The following THBS2 variants were observed in gnomAD, a reference collection of about 807,000 sequenced individuals.
The protein encoded by THBS2 is thrombospondin 2, also known as thrombospondin-2.
Under a neutral mutation model 135.2 loss-of-function variants are expected in THBS2, and 47 were observed. The ratio of observed to expected loss-of-function variants is 0.35; its 90% confidence interval spans 0.28 to 0.44. The LOEUF is 0.44. Among genes scored for constraint, THBS2 ranks in the 20% least tolerant of loss-of-function variants. The pLI, the probability that THBS2 is intolerant of heterozygous loss-of-function variation, is 1.00. For synonymous variants in THBS2, 639 were observed against 633.8 expected (o/e 1.01, Z -0.12); for missense variants, 1,288 against 1,603.1 (o/e 0.80, Z 3.36).
intron 14 of THBS2, among the ~76,000 whole-genome samples, chr6:169,229,265 G>C (rs55933869): frequency 6.6e-6 from 1 of 152,252 alleles, no homozygotes; most frequent in Non-Finnish European, 1.5e-5. Context: ...ACTCATGGTG[G>C]TGTCAGCCTT....
intron 2 of THBS2, among the ~76,000 whole-genome samples, 177 bp from the exon 3 acceptor site, chr6:169,249,150 T>A (rs1221350126): frequency 6.6e-6 from 1 of 152,158 alleles, no homozygotes; most frequent in Non-Finnish European, 1.5e-5. Context: ...GAAAAGCCAC[T>A]ATCCTCCGTG....
Position 169,248,558 on chromosome 6 carries a change from C to T in THBS2, c.468G>A (p.Val156=), listed in dbSNP as rs1290029655. The part of the protein sequence containing the change: ...DSQWKNVTVQ[V]AGETYSLHVG... ...CGTGCAAGCTGTAGGTCTCGCCAGC[C>T]ACCTGCACGGTGACGTTCTTCCACT... Residue 156 remains valine, a synonymous_variant, in exon 3 of 22, where the codon GTG becomes GTA. Transcript: ENST00000617924. The T allele has an allele frequency of 6.2e-7, 1 of 1,613,896 alleles. No homozygotes were observed. Among genetic ancestry groups the T allele is most frequent in the Non-Finnish European group, 8.5e-7 (1 of 1,180,054 alleles).
chr6:169,219,346 G>GGATTGATGGATGA (rs1779332881), intron 21 of THBS2, among the ~76,000 whole-genome samples: 1 of 129,052 alleles, frequency 7.7e-6, no homozygotes, highest in Non-Finnish European at 1.6e-5. Context: ...GTGGGTGGAT[G>GGATTGATGGATGA]GATGGATGGT....
At chr6:169,245,616 C>T (rs1416739434) in intron 4 of THBS2, among the ~76,000 whole-genome samples, 1 of 152,000 alleles carries the variant, frequency 6.6e-6, no homozygotes, top group Non-Finnish European at 1.5e-5. Context: ...CACGCTGAAA[C>T]CCCATCTCTA....
In THBS2 at chr6:169,216,138, A is replaced by T. The variant is rs1779162947; in HGVS notation, c.*1684T>A. 2.0e-5 allele frequency: 3 copies of T among 151,000 alleles called. No individual in the cohort carries two copies. Among genetic ancestry groups the T allele is most frequent in the Admixed American group, 2.0e-4 (3 of 15,136 alleles). The allele number at this position is 151,000 out of a possible 1,614,324, so 9.4% of individuals were successfully genotyped here. On this transcript the variant is annotated 3_prime_UTR_variant, in exon 22 of 22. Transcript: ENST00000617924. ...GTTGGTCTCGGGAATACAGCTCCAC[A>T]CGCAAAAAAGTAAAAAGTGCAGCAA...
Position 169,248,749 on chromosome 6 carries a change from C to A in THBS2, c.277G>T (p.Asp93Tyr). 1.2e-6 allele frequency: 2 copies of A among 1,613,364 alleles called. No individual in the cohort carries two copies. Among genetic ancestry groups the A allele is most frequent in the African/African-American group, 1.3e-5 (1 of 74,982 alleles). Residue 93 changes from aspartate to tyrosine, a missense_variant, in exon 3 of 22, where the codon GAC becomes TAC. Coordinates refer to ENST00000617924, the MANE Select transcript of THBS2 (RefSeq NM_003247.5). ...GFFLTAQLKQ[D>Y]GKSRGTLLAL... ...AACAGCGTGCCCCTGGACTTGCCGT[C>A]CTGCTTGAGCTGGGCCGTGAGGAAG...
intron 7 of THBS2, 58 bp downstream of exon 7, chr6:169,239,541 C>G: frequency 6.8e-7 from 1 of 1,480,296 alleles, no homozygotes. Context: ...AATAAATAAA[C>G]AAACAAGCAT....
At chr6:169,218,464 G>A (rs1379756929) in intron 21 of THBS2, among the ~76,000 whole-genome samples, 1 of 130,312 alleles carries the variant, frequency 7.7e-6, no homozygotes, top group Non-Finnish European at 1.6e-5. Context: ...ATGGATGGAT[G>A]GGATAGATGA....
intron 14 of THBS2, among the ~76,000 whole-genome samples, chr6:169,228,538 A>G (rs1325619188): frequency 6.6e-6 from 1 of 151,356 alleles, no homozygotes; most frequent in Admixed American, 6.6e-5. Flanking sequence ...TCCCAGCACT[A>G]TGGGAGGCTG....
rs112534076 is a variant in THBS2, at chr6:169,248,663, C to T, written c.363G>A (p.Ala121=). The T allele has an allele frequency of 2.5e-6, 4 of 1,614,008 alleles. No homozygotes were observed. Among genetic ancestry groups the T allele is most frequent in the East Asian group, 2.2e-5 (1 of 44,818 alleles). The part of the protein sequence containing the change: ...RQFEIVSNGP[A]DTLDLTYWID... Reference sequence around the variant, plus strand: ...TCCAGTAGGTGAGATCCAGCGTGTCCGCGGGGCCGTTGGAGACGATCTCGA... The same window carrying T: ...TCCAGTAGGTGAGATCCAGCGTGTCTGCGGGGCCGTTGGAGACGATCTCGA... The change falls in exon 3 of 22, where the codon GCG becomes GCA. Residue 121 remains alanine (A), a synonymous_variant. Transcript: ENST00000617924.
chr6:169,241,494 C>T lies in THBS2; in HGVS notation c.891+268G>A, dbSNP rs1015855052. 6.6e-6 allele frequency among the ~76,000 whole-genome samples: 1 copy of T among 152,028 alleles called. No individual in the cohort carries two copies. The highest frequency in any genetic ancestry group is 2.4e-5 in the African/African-American group (1 of 41,366). On this transcript the variant is annotated intron_variant, in intron 5 of 21. Coordinates refer to ENST00000617924, the MANE Select transcript of THBS2 (RefSeq NM_003247.5). The surrounding 1 kb of genome is among the most constrained non-coding windows in gnomAD (Gnocchi z 5.5). ...ACAGATTTACCAAGGAGGTAAATTT[C>T]CCAAAATTAAGAATTTATTTTGGAG...
In THBS2 at chr6:169,252,983, C is replaced by T. The variant is rs1392202775; in HGVS notation, c.-23+741G>A. On this transcript the variant is annotated intron_variant, in intron 1 of 21. Coordinates refer to ENST00000617924, the MANE Select transcript of THBS2 (RefSeq NM_003247.5). This position sits in a 1 kb window ranked among gnomAD's most constrained non-coding sequence, Gnocchi z 4.3. ...TGGGTGCTCAGCTCCCAGTCCTGGG[C>T]AGCCAAACCCACCTTCCTTAAGTGG... Among the ~76,000 whole-genome samples, 1 of 152,194 alleles carries T rather than the reference C, an allele frequency of 6.6e-6. No individual in the cohort carries two copies. The highest frequency in any genetic ancestry group is 1.5e-5 in the Non-Finnish European group (1 of 68,030).
At chr6:169,220,084 T>G in intron 21 of THBS2, 114 bp downstream of exon 21, 1 of 1,327,614 alleles carries the variant, frequency 7.5e-7, no homozygotes. Context: ...GTATTGTGCA[T>G]TAGGTTTATT....
chr6:169,234,955 G>A, intron 9 of THBS2, 48 bp from the exon 10 acceptor site: 1 of 1,554,486 alleles, frequency 6.4e-7, no homozygotes, highest in African/African-American at 1.4e-5. Context: ...ACCCGGGGTG[G>A]AGAACGTGAG....
At chr6:169,224,832 G>A (rs1583406079) in intron 17 of THBS2, among the ~76,000 whole-genome samples, 2 of 152,070 alleles carry the variant, frequency 1.3e-5, no homozygotes, top group East Asian at 1.9e-4. Context: ...TCCTACGTTC[G>A]TAACCCGCAT....
chr6:169,219,296 T>C, intron 21 of THBS2, among the ~76,000 whole-genome samples: 1 of 106,624 alleles, frequency 9.4e-6, no homozygotes, highest in Non-Finnish European at 1.8e-5. Flanking sequence ...GATAGTTGGG[T>C]GGATGGGTGG....
At chr6:169,231,778 C>T (rs1490427577) in intron 13 of THBS2, among the ~76,000 whole-genome samples, 3 of 152,206 alleles carry the variant, frequency 2.0e-5, no homozygotes, top group Non-Finnish European at 4.4e-5. Flanking sequence ...TGGGCGGCGC[C>T]AGAGTGTGCC....
intron 4 of THBS2, 158 bp downstream of exon 4, chr6:169,246,039 C>A: frequency 4.1e-6 from 2 of 493,710 alleles, no homozygotes; most frequent in East Asian, 2.9e-5. Flanking sequence ...AGTTGACCAG[C>A]TAAGTCACTC....
chr6:169,227,693 CATTTA>C (rs1425290330), intron 15 of THBS2, among the ~76,000 whole-genome samples: 1 of 152,114 alleles, frequency 6.6e-6, no homozygotes, highest in Non-Finnish European at 1.5e-5. Context: ...CTGAATGAAT[CATTTA>C]ATCTTATAGT....
Sources: allele counts gnomAD v4.1 joint callset (sites outside exome capture counted in the v4.1 genomes callset), GRCh38; gene constraint gnomAD v4.1.1; non-coding constraint Gnocchi (gnomAD v3.1); transcripts MANE v1.5; gene names NCBI Gene and HGNC (gene_info 2026-07-23, HGNC 2026-07-21).